MYO16: variants seen among roughly 807,000 people sequenced by gnomAD.
MYO16 encodes the protein myosin XVI, also known as unconventional myosin-XVI.
MYO16 carries 94 observed loss-of-function variants against 205.3 expected under a neutral mutation model. That is an observed-to-expected ratio of 0.46 (90% CI 0.39 to 0.54). MYO16 has a LOEUF of 0.54. MYO16 is among the 20% of genes least tolerant of loss of function. The probability of loss-of-function intolerance (pLI) is 0.00; values close to 1 mark genes in which losing one functional copy is unlikely to be tolerated. For missense variants in MYO16, 2,315 were observed against 2,387.5 expected (o/e 0.97, Z 0.63); for synonymous variants, 988 against 954.0 (o/e 1.04, Z -0.66).
chr13:109,144,011 A>G (rs1877215824), intron 32 of MYO16, among the ~76,000 whole-genome samples: 1 of 146,166 alleles, frequency 6.8e-6, no homozygotes, highest in Non-Finnish European at 1.5e-5. Context: ...TACAGTTGAG[A>G]AGTGTATAAT....
At chr13:108,603,483 TG>T (rs1242464348) in intron 1 of MYO16, among the ~76,000 whole-genome samples, 2 of 152,328 alleles carry the variant, frequency 1.3e-5, no homozygotes, top group African/African-American at 4.8e-5. Flanking sequence ...GTTGAATCTT[TG>T]AAATAATATT....
chr13:108,600,180 G>A (rs1878712422), intron 1 of MYO16, among the ~76,000 whole-genome samples: 1 of 152,162 alleles, frequency 6.6e-6, no homozygotes, highest in African/African-American at 2.4e-5. Flanking sequence ...CTGAGAGAGT[G>A]TAAGGGTAGG....
the MYO16 span, among the ~76,000 whole-genome samples, chr13:108,501,526 C>T: frequency 1.3e-5 from 2 of 152,222 alleles, no homozygotes; most frequent in Non-Finnish European, 2.9e-5. Flanking sequence ...GCTAGCTTAG[C>T]GGAGATCCAG....
At chr13:108,832,042 G>A (rs370387903) in intron 9 of MYO16, among the ~76,000 whole-genome samples, 1 of 151,942 alleles carries the variant, frequency 6.6e-6, no homozygotes, top group East Asian at 1.9e-4. Flanking sequence ...ATGCTCTTGG[G>A]GTATCTTGCT....
chr13:109,076,572 T>C (rs999549438), intron 27 of MYO16, among the ~76,000 whole-genome samples: 1 of 152,112 alleles, frequency 6.6e-6, no homozygotes, highest in African/African-American at 2.4e-5. Context: ...GGGAATACCA[T>C]TTCTTATTTT....
At chr13:109,182,643 T>C (rs1428192663) in intron 34 of MYO16, among the ~76,000 whole-genome samples, 1 of 152,228 alleles carries the variant, frequency 6.6e-6, no homozygotes, top group Non-Finnish European at 1.5e-5. Flanking sequence ...TTACTATCTA[T>C]AAAGTTTTAC....
rs200150406 is a variant in MYO16 at position 108,656,577 on chromosome 13, AAGG to A, written c.29-9306_29-9304del. On this transcript the variant is annotated intron_variant, in intron 1 of 34. Coordinates refer to ENST00000457511, the MANE Select transcript of MYO16 (RefSeq NM_001198950.3). ...AAAGCATCTCCTAAATTGAAAATAT[AAGG>A]AGAAGTGATTGAAACATAATTCATC... is the stretch of plus-strand genomic sequence containing the variant. 5.4e-3 allele frequency among the ~76,000 whole-genome samples: 828 copies of A among 152,360 alleles called. 6 individuals carry two copies. The highest frequency in any genetic ancestry group is 0.019 in the African/African-American group (789 of 41,590).
chr13:108,814,831 AT>A (rs1887400392), intron 7 of MYO16, among the ~76,000 whole-genome samples: 2 of 152,200 alleles, frequency 1.3e-5, no homozygotes, highest in African/African-American at 2.4e-5. Flanking sequence ...CCTGGGCAAA[AT>A]GCTCAGCATG....
chr13:109,018,728 G>A (rs771489359), intron 22 of MYO16, among the ~76,000 whole-genome samples: 8 of 152,152 alleles, frequency 5.3e-5, no homozygotes, highest in Non-Finnish European at 8.8e-5. Context: ...AGTCTGTCAC[G>A]GCTTCCCTTG....
intron 27 of MYO16, among the ~76,000 whole-genome samples, chr13:109,073,769 G>A (rs1888001572): frequency 6.6e-6 from 1 of 152,162 alleles, no homozygotes; most frequent in Admixed American, 6.5e-5. Context: ...ATTCATAACT[G>A]TAACATCCAG....
intron 4 of MYO16, among the ~76,000 whole-genome samples, chr13:108,736,033 C>T (rs1884686327): frequency 6.6e-6 from 1 of 151,744 alleles, no homozygotes; most frequent in Non-Finnish European, 1.5e-5. Context: ...CTTTGTAGAT[C>T]CTGGATATTA....
chr13:108,781,166 A>G (rs1290642089), intron 4 of MYO16, among the ~76,000 whole-genome samples: 1 of 152,218 alleles, frequency 6.6e-6, no homozygotes, highest in African/African-American at 2.4e-5. Context: ...ACATTTATGA[A>G]TTGGGAAGGA....
In MYO16 at chr13:109,051,587, C is replaced by T. The variant is rs201071548; in HGVS notation, c.2873-713C>T. Among the ~76,000 whole-genome samples, 1,490 of 152,256 alleles carry T rather than the reference C, an allele frequency of 9.8e-3. 17 individuals are homozygous for T. The highest frequency in any genetic ancestry group is 0.036 in the South Asian group (175 of 4,816). On this transcript the variant is annotated intron_variant, in intron 24 of 34. Transcript: ENST00000457511. ...TTAACCGCCACATACATTGTTTTCCCTGTGATTTTTAAATTTGTAATCCAA... is the reference window on the plus strand; with the variant it reads ...TTAACCGCCACATACATTGTTTTCCTTGTGATTTTTAAATTTGTAATCCAA...
chr13:108,660,559 TA>T (rs1881457313), intron 1 of MYO16, among the ~76,000 whole-genome samples: 2 of 152,208 alleles, frequency 1.3e-5, no homozygotes, highest in South Asian at 4.1e-4. Context: ...ACTGTTGCTT[TA>T]AAGTTTGTTT....
chr13:108,804,738 T>C (rs1399605622), intron 6 of MYO16, among the ~76,000 whole-genome samples: 1 of 152,166 alleles, frequency 6.6e-6, no homozygotes, highest in Non-Finnish European at 1.5e-5. Context: ...GTTTGTTTAT[T>C]TTGGTTTTGG....
chr13:108,751,315 T>A (rs1365096241), intron 4 of MYO16, among the ~76,000 whole-genome samples: 2 of 152,158 alleles, frequency 1.3e-5, no homozygotes, highest in Non-Finnish European at 2.9e-5. Context: ...GTGATTTTTT[T>A]TTAAGGAGTA....
intron 3 of MYO16, among the ~76,000 whole-genome samples, chr13:108,716,446 C>G (rs150376951): frequency 1.3e-5 from 2 of 152,212 alleles, no homozygotes; most frequent in African/African-American, 4.8e-5. Context: ...ATCTGGAGGA[C>G]GGATAAGGAA....
chr13:108,554,717 G>A, the MYO16 span, among the ~76,000 whole-genome samples: 6 of 151,840 alleles, frequency 4.0e-5, no homozygotes, highest in Non-Finnish European at 7.4e-5. Context: ...AGGAGTGGTG[G>A]CGGGCGCCTG....
intron 33 of MYO16, among the ~76,000 whole-genome samples, chr13:109,179,113 G>C (rs1879344302): frequency 6.6e-6 from 1 of 152,130 alleles, no homozygotes; most frequent in African/African-American, 2.4e-5. Flanking sequence ...GTTATGCTCT[G>C]ATTTTCAATC....
Sources: allele counts gnomAD v4.1 joint callset (sites outside exome capture counted in the v4.1 genomes callset), GRCh38; gene constraint gnomAD v4.1.1; transcripts MANE v1.5; gene names NCBI Gene and HGNC (gene_info 2026-07-23, HGNC 2026-07-21).